Variants in MIDEAS observed in about 807,000 individuals in gnomAD.
The protein encoded by MIDEAS is mitotic deacetylase-associated SANT domain protein.
A neutral mutation model predicts 102.7 loss-of-function variants in MIDEAS; 26 were observed. The observed-to-expected ratio is 0.25, with a 90% CI of 0.19 to 0.35. The LOEUF (loss-of-function observed/expected upper bound fraction) is 0.35, where lower values mean the gene tolerates loss of function less well. Among genes scored for constraint, MIDEAS ranks in the 10% least tolerant of loss-of-function variants. The pLI, the probability that MIDEAS is intolerant of heterozygous loss-of-function variation, is 1.00. For missense variants in MIDEAS, 1,231 were observed against 1,435.6 expected (o/e 0.86, Z 2.30); for synonymous variants, 585 against 591.0 (o/e 0.99, Z 0.15).
At chr14:73,775,506 C>T (rs764923742) in intron 1 of MIDEAS, among the ~76,000 whole-genome samples, 5 of 152,148 alleles carry the variant, frequency 3.3e-5, no homozygotes, top group East Asian at 3.9e-4. Flanking sequence ...CTCCCTCCCT[C>T]GGGGAGCCAA....
intron 3 of MIDEAS, among the ~76,000 whole-genome samples, chr14:73,732,953 G>A (rs915273869): frequency 2.0e-5 from 3 of 147,114 alleles, no homozygotes; most frequent in East Asian, 2.0e-4. Context: ...TTAGCTGGGT[G>A]TGGTGGTGGG....
intron 1 of MIDEAS, among the ~76,000 whole-genome samples, chr14:73,769,314 G>A (rs1566607571): frequency 6.6e-6 from 1 of 152,178 alleles, no homozygotes; most frequent in Non-Finnish European, 1.5e-5. Context: ...TAAATGAGGC[G>A]GGAGGCTCTG....
chr14:73,764,356 A>AC, upstream of MIDEAS, among the ~76,000 whole-genome samples: 1 of 151,438 alleles, frequency 6.6e-6, no homozygotes, highest in South Asian at 2.1e-4. Flanking sequence ...AAAAAAAAAA[A>AC]AAAAAAACAA....
At chr14:73,749,370 C>CAAAAA (rs66510432) in intron 1 of MIDEAS, among the ~76,000 whole-genome samples, 3 of 80,650 alleles carry the variant, frequency 3.7e-5, no homozygotes, top group Non-Finnish European at 5.2e-5. Context: ...CGTGTCTCTA[C>CAAAAA]AAAAAAAAAA....
In MIDEAS at chr14:73,739,944, T is replaced by C. The variant is rs540889251; in HGVS notation, c.65A>G (p.Glu22Gly). 53 of 1,517,274 alleles carry C rather than the reference T, an allele frequency of 3.5e-5. No individual in the cohort carries two copies. The highest frequency in any genetic ancestry group is 4.5e-5 in the Non-Finnish European group (51 of 1,133,048). 94.0% of individuals were successfully genotyped at this position (1,517,274 alleles called of 1,614,324 possible). ...AGGGGGCTGCTCCTTGGGAGCTGGT[T>C]CCTGGCCCCCGAAGAGGCAACGCTT... ...KRKRCLFGGQ[E>G]PAPKEQPPPL... is the part of the protein sequence containing the mutation. Residue 22 changes from glutamate to glycine, a missense_variant, in exon 2 of 13, where the codon GAA becomes GGA. Physicochemically the swap from Glu to Gly is moderately conservative, Grantham distance 98. Transcript: ENST00000423556.
chr14:73,753,499 T>C (rs888056562), intron 1 of MIDEAS, among the ~76,000 whole-genome samples: 4 of 152,216 alleles, frequency 2.6e-5, no homozygotes, highest in African/African-American at 9.7e-5. Flanking sequence ...TCATCTCAGT[T>C]ATTGTGGGAT....
Position 73,786,764 on chromosome 14 carries a change from C to A in MIDEAS, c.-248+338G>T, listed in dbSNP as rs1265824428. Among the ~76,000 whole-genome samples, 3 of 152,250 alleles carry A rather than the reference C, an allele frequency of 2.0e-5. No individual in the cohort carries two copies. In the East Asian group the frequency reaches 5.8e-4, roughly 29 times the overall value. ...GCAGGGGCCGAGAGCTGCGCCCAGCCTGCAGGGATGGAGGCGCTGGGCGGA... is the reference window on the plus strand; with the variant it reads ...GCAGGGGCCGAGAGCTGCGCCCAGCATGCAGGGATGGAGGCGCTGGGCGGA... On this transcript the variant is annotated intron_variant, in intron 1 of 11. Coordinates refer to the MIDEAS transcript ENST00000394071.
chr14:73,777,733 A>G (rs1246752217), intron 1 of MIDEAS, among the ~76,000 whole-genome samples: 1 of 151,978 alleles, frequency 6.6e-6, no homozygotes, highest in East Asian at 1.9e-4. Flanking sequence ...AGCACTCACC[A>G]GGCACAAGTA....
chr14:73,724,737 A>T (rs972129077), intron 9 of MIDEAS: 2 of 158,730 alleles, frequency 1.3e-5, no homozygotes. Flanking sequence ...GAAAGATGCA[A>T]TTCCTTGGAT....
rs201413902 is a variant in MIDEAS at position 73,719,447 on chromosome 14, C to T, written c.2992G>A (p.Gly998Ser). Residue 998 changes from glycine to serine, a missense_variant, in exon 12 of 13, where the codon GGT (glycine) becomes AGT (serine). By Grantham distance (56) the Gly-to-Ser change is moderately conservative. Coordinates refer to ENST00000423556, the MANE Select transcript of MIDEAS (RefSeq NM_001367710.1). ...SHESNAPGSA[G>S]GQASEKPREG... Reference sequence around the variant, plus strand: ...CTTGGCTTCTCCGAGGCCTGGCCACCGGCAGACCCAGGGGCGTTGGACTCG... The same window carrying T: ...CTTGGCTTCTCCGAGGCCTGGCCACTGGCAGACCCAGGGGCGTTGGACTCG... 4 of 1,613,948 alleles carry T rather than the reference C, an allele frequency of 2.5e-6. No homozygotes were observed. Among genetic ancestry groups the T allele is most frequent in the Non-Finnish European group, 2.5e-6 (3 of 1,180,026 alleles).
At chr14:73,719,585 GAA>G (rs1371583086) in intron 11 of MIDEAS, 84 bp from the exon 12 acceptor site, 2 of 1,390,708 alleles carry the variant, frequency 1.4e-6, no homozygotes, top group East Asian at 2.5e-5. Context: ...CCGGGGGCCT[GAA>G]AAGTCATATA....
rs377123380 is a variant in MIDEAS at position 73,739,102 on chromosome 14, G to A, written c.907C>T (p.His303Tyr). Residue 303 changes from histidine to tyrosine, a missense_variant, in exon 2 of 13, where the codon CAC becomes TAC. Coordinates refer to ENST00000423556, the MANE Select transcript of MIDEAS (RefSeq NM_001367710.1). ...AAGGGGTAGGGTGCCATGCTGTGGT[G>A]AGCCAGGTGGGACTGTCCCAGTGGC... ...AGPLGQSHLA[H>Y]HSMAPYPFPP... 1.3e-5 allele frequency: 21 copies of A among 1,602,526 alleles called. No individual in the cohort carries two copies. Among genetic ancestry groups the A allele is most frequent in the Non-Finnish European group, 1.8e-5 (21 of 1,172,772 alleles).
chr14:73,727,582 A>C, intron 4 of MIDEAS, 58 bp from the exon 5 acceptor site: 12 of 1,481,214 alleles, frequency 8.1e-6, no homozygotes, highest in Middle Eastern at 1.8e-4. Flanking sequence ...AGCACCCCCA[A>C]TCCTAGTGGC....
rs763952083 is a variant in MIDEAS, at chr14:73,738,748, G to A, written c.1261C>T (p.Arg421Trp). Residue 421 changes from arginine to tryptophan, a missense_variant, in exon 2 of 13, where the codon CGG becomes TGG. By Grantham distance (101) the Arg-to-Trp change is moderately radical. This residue lies in a region of MIDEAS where 758 missense variants were observed against 856.0 expected (regional missense o/e 0.89). Coordinates refer to ENST00000423556, the MANE Select transcript of MIDEAS (RefSeq NM_001367710.1). ...PDGERLAPNG[R>W]EREAPAMGSE... is the part of the protein sequence containing the mutation. ...CCCATGGCAGGAGCCTCTCGCTCCC[G>A]GCCATTGGGTGCTAGTCTCTCCCCA... 1.9e-5 allele frequency: 31 copies of A among 1,610,328 alleles called. No homozygotes were observed. The highest frequency in any genetic ancestry group is 3.3e-4 in the Middle Eastern group (2 of 6,062).
At position 73,721,398 on chromosome 14, in the gene MIDEAS, C is replaced by T. The variant is rs2052989605; in HGVS notation, c.2836G>A (p.Val946Met). 4 of 1,613,984 alleles carry T rather than the reference C, an allele frequency of 2.5e-6. No individual in the cohort carries two copies. The highest frequency in any genetic ancestry group is 3.4e-6 in the Non-Finnish European group (4 of 1,180,020). Residue 946 changes from valine (V) to methionine (M), a missense_variant, in exon 11 of 13, where the codon GTG (valine) becomes ATG (methionine). Transcript: ENST00000423556. ...KEPRKEGEEE[V>M]PEIQEKEEQE... ...TCCTCCTTCTCTTGGATCTCTGGCA[C>T]CTCCTCCTCCCCCTCCTTCCTGGGC...
At position 73,718,205 on chromosome 14, in the gene MIDEAS, A is replaced by AG. The variant is rs774458118; in HGVS notation, c.*637dup. The AG allele has an allele frequency of 1.3e-5, 2 of 152,444 alleles. No individual in the cohort carries two copies. The highest frequency in any genetic ancestry group is 2.4e-5 in the African/African-American group (1 of 41,426). The allele number at this position is 152,444 out of a possible 1,614,324, so 9.4% of individuals were successfully genotyped here. ...TAGCAAGGCCGCCAGCAAGCAGCAAAGGGAGAGTACCTGCCGCGGCCTCCC... is the reference window on the plus strand; with the variant it reads ...TAGCAAGGCCGCCAGCAAGCAGCAAAGGGGAGAGTACCTGCCGCGGCCTCCC... On this transcript the variant is annotated 3_prime_UTR_variant, in exon 13 of 13. Transcript: ENST00000423556.
At chr14:73,784,126 T>A (rs535925443) in intron 1 of MIDEAS, among the ~76,000 whole-genome samples, 2 of 152,370 alleles carry the variant, frequency 1.3e-5, no homozygotes, top group African/African-American at 4.8e-5. Flanking sequence ...ACAATAAAAC[T>A]GGTTTTAAAA....
At chr14:73,790,094 A>G (rs1051927371), upstream of MIDEAS, 2 of 152,236 alleles carry the variant, frequency 1.3e-5, no homozygotes, top group Non-Finnish European at 2.9e-5. Flanking sequence ...GTCGTGGACT[A>G]TCTCTGATAA....
In MIDEAS at chr14:73,721,301, T is replaced by C. The variant is rs2052986326; in HGVS notation, c.2933A>G (p.Glu978Gly). 1.2e-6 allele frequency: 2 copies of C among 1,612,532 alleles called. No homozygotes were observed. The highest frequency in any genetic ancestry group is 2.7e-5 in the African/African-American group (2 of 74,898). ...VKATQTLQANESASDILILRS... is the reference protein window; with the variant it reads ...VKATQTLQANGSASDILILRS... ...GCCCATGGTGGTCACACTCACCGAC[T>C]CATTGGCCTGTAGTGTCTGCGTGGC... Residue 978 changes from glutamate to glycine, a missense_variant, in exon 11 of 13, where the codon GAG (glutamate) becomes GGG (glycine). This residue lies in a region of MIDEAS where 391 missense variants were observed against 483.0 expected (regional missense o/e 0.81). Transcript: ENST00000423556.
Sources: allele counts gnomAD v4.1 joint callset (sites outside exome capture counted in the v4.1 genomes callset), GRCh38; gene constraint gnomAD v4.1.1; regional missense constraint gnomAD v4.1.1; transcripts MANE v1.5; gene names NCBI Gene and HGNC (gene_info 2026-07-23, HGNC 2026-07-21).